Variants in SESTD1 observed in about 807,000 individuals in gnomAD.
The protein encoded by SESTD1 is SEC14 and spectrin domain containing 1.
A neutral mutation model predicts 101.7 loss-of-function variants in SESTD1; 43 were observed. That is an observed-to-expected ratio of 0.42 (90% CI 0.33 to 0.55). The LOEUF is 0.55. Ranked by LOEUF, SESTD1 falls within the 20% of genes least tolerant of loss-of-function variation. SESTD1 has a pLI of 0.07. For synonymous variants in SESTD1, 283 were observed against 286.8 expected (o/e 0.99, Z 0.13); for missense variants, 647 against 815.1 (o/e 0.79, Z 2.51).
chr2:179,193,102 G>A (rs1291893542), intron 1 of SESTD1, among the ~76,000 whole-genome samples: 2 of 151,776 alleles, frequency 1.3e-5, no homozygotes, highest in Non-Finnish European at 1.5e-5. Context: ...TGCTCTAGGG[G>A]GTGGGAAAAA....
rs949595676 is a variant in SESTD1, at chr2:179,107,169, AC to A, written c.*2729del. ...AACACACTGCAGTCACTTTTTTCACACGTTTACCTTAAGTGAGCTTTGACCC... is the reference window on the plus strand; with the variant it reads ...AACACACTGCAGTCACTTTTTTCACAGTTTACCTTAAGTGAGCTTTGACCC... On this transcript the variant is annotated 3_prime_UTR_variant, in exon 18 of 18. Transcript: ENST00000428443. The A allele has an allele frequency of 2.6e-5, 4 of 152,102 alleles. No homozygotes were observed. The highest frequency in any genetic ancestry group is 5.9e-5 in the Non-Finnish European group (4 of 67,992). 9.4% of individuals were successfully genotyped at this position (152,102 alleles called of 1,614,324 possible).
At chr2:179,185,747 A>G (rs2046214882) in intron 2 of SESTD1, among the ~76,000 whole-genome samples, 1 of 126,668 alleles carries the variant, frequency 7.9e-6, no homozygotes, top group Non-Finnish European at 1.6e-5. Flanking sequence ...ATAATATAGT[A>G]TATTATATAC....
intron 5 of SESTD1, among the ~76,000 whole-genome samples, chr2:179,160,624 A>C (rs1321570909): frequency 1.3e-5 from 2 of 152,112 alleles, no homozygotes; most frequent in Admixed American, 6.5e-5. Flanking sequence ...TTTAAAAATC[A>C]AACAATCCAT....
intron 1 of SESTD1, among the ~76,000 whole-genome samples, chr2:179,250,290 C>T (rs546123628): frequency 6.6e-6 from 1 of 152,268 alleles, no homozygotes; most frequent in South Asian, 2.1e-4. Flanking sequence ...ACATCATCAG[C>T]CACCAGGAAA....
At chr2:179,124,027 A>G (rs1157541322) in intron 11 of SESTD1, among the ~76,000 whole-genome samples, 198 bp from the exon 12 acceptor site, 1 of 152,228 alleles carries the variant, frequency 6.6e-6, no homozygotes, top group African/African-American at 2.4e-5. Flanking sequence ...AGGAAGACAA[A>G]GAAGTACATT....
intron 9 of SESTD1, 90 bp downstream of exon 9, chr2:179,143,502 A>G: frequency 9.1e-7 from 1 of 1,103,950 alleles, no homozygotes; most frequent in Non-Finnish European, 1.3e-6. Context: ...AAGGTTTTCT[A>G]TATAGTGTAT....
intron 9 of SESTD1, among the ~76,000 whole-genome samples, chr2:179,136,552 T>C (rs920927949): frequency 6.6e-6 from 1 of 152,200 alleles, no homozygotes; most frequent in African/African-American, 2.4e-5. Context: ...CAAATACAGA[T>C]ATAGAAACAT....
At chr2:179,196,282 C>T (rs952840573) in intron 1 of SESTD1, among the ~76,000 whole-genome samples, 4 of 152,220 alleles carry the variant, frequency 2.6e-5, no homozygotes, top group Non-Finnish European at 4.4e-5. Context: ...GAGATTACAT[C>T]CCGCACCTGG....
At chr2:179,220,565 T>C (rs1273741024) in intron 1 of SESTD1, among the ~76,000 whole-genome samples, 1 of 152,182 alleles carries the variant, frequency 6.6e-6, no homozygotes, top group Non-Finnish European at 1.5e-5. Context: ...CATCTAAGCC[T>C]TGTGTTGAGC....
At chr2:179,187,135 A>G (rs1276459222) in intron 2 of SESTD1, among the ~76,000 whole-genome samples, 2 of 152,190 alleles carry the variant, frequency 1.3e-5, no homozygotes, top group Non-Finnish European at 2.9e-5. Context: ...TATGGTAACA[A>G]AAGAACACCT....
chr2:179,211,235 CA>C (rs2046647195), intron 1 of SESTD1, among the ~76,000 whole-genome samples: 1 of 133,552 alleles, frequency 7.5e-6, no homozygotes, highest in Non-Finnish European at 1.6e-5. Context: ...ATCATACTGC[CA>C]AAAGCAATCT....
intron 5 of SESTD1, among the ~76,000 whole-genome samples, chr2:179,157,488 CA>C (rs1354349414): frequency 1.3e-5 from 2 of 152,140 alleles, no homozygotes; most frequent in Admixed American, 1.3e-4. Flanking sequence ...GCCATAATAA[CA>C]GTGTCATTGT....
chr2:179,102,946 T>C lies in SESTD1; in HGVS notation c.*6953A>G, dbSNP rs569400015. 6.6e-5 allele frequency: 10 copies of C among 152,242 alleles called. No individual in the cohort carries two copies. The highest frequency in any genetic ancestry group is 1.2e-4 in the Non-Finnish European group (8 of 67,998). 9.4% of individuals were successfully genotyped at this position (152,242 alleles called of 1,614,324 possible). ...GGACTTCCCTGTCCAGGTGACTCTC[T>C]CTCACATAGCTGTACCTGGGGCTTA... On this transcript the variant is annotated 3_prime_UTR_variant, in exon 18 of 18. Coordinates refer to ENST00000428443, the MANE Select transcript of SESTD1 (RefSeq NM_178123.5).
chr2:179,110,305 A>G (rs1449794383), intron 17 of SESTD1, among the ~76,000 whole-genome samples: 3 of 152,214 alleles, frequency 2.0e-5, no homozygotes, highest in Non-Finnish European at 2.9e-5. Context: ...AAATTGAACA[A>G]TGAAACACTG....
At chr2:179,111,111 G>T (rs1437120801) in intron 17 of SESTD1, among the ~76,000 whole-genome samples, 2 of 152,144 alleles carry the variant, frequency 1.3e-5, no homozygotes, top group African/African-American at 4.8e-5. Context: ...GGAGGGTAAG[G>T]GATCCTGGAA....
At position 179,107,851 on chromosome 2, in the gene SESTD1, GAAAT is replaced by G. The variant is rs931963280; in HGVS notation, c.*2044_*2047del. On this transcript the variant is annotated 3_prime_UTR_variant, in exon 18 of 18. Transcript: ENST00000428443. ...ATGTGATAGCACCATCATGAAGACTGAAATAAATAATCACAAAAGTTCATACTCA... is the reference window on the plus strand; with the variant it reads ...ATGTGATAGCACCATCATGAAGACTGAAATAATCACAAAAGTTCATACTCA... 3 of 152,072 alleles carry G rather than the reference GAAAT, an allele frequency of 2.0e-5. No homozygotes were observed. The highest frequency in any genetic ancestry group is 7.3e-5 in the African/African-American group (3 of 41,372). The allele number at this position is 152,072 out of a possible 1,614,324, so 9.4% of individuals were successfully genotyped here.
intron 5 of SESTD1, among the ~76,000 whole-genome samples, chr2:179,156,155 T>C (rs2045627013): frequency 6.6e-6 from 1 of 151,882 alleles, no homozygotes; most frequent in East Asian, 1.9e-4. Context: ...TATATATGTG[T>C]ATATATGTAT....
At chr2:179,170,462 G>A (rs535758723) in intron 5 of SESTD1, among the ~76,000 whole-genome samples, 1 of 152,252 alleles carries the variant, frequency 6.6e-6, no homozygotes, top group South Asian at 2.1e-4. Flanking sequence ...TAAGAAATAT[G>A]CATTTGCTCT....
chr2:179,174,290 A>T, intron 4 of SESTD1: 1 of 376,118 alleles, frequency 2.7e-6, no homozygotes. Flanking sequence ...GACTAGAAGT[A>T]AAAAGGCCAT....
Sources: allele counts gnomAD v4.1 joint callset (sites outside exome capture counted in the v4.1 genomes callset), GRCh38; gene constraint gnomAD v4.1.1; transcripts MANE v1.5; gene names NCBI Gene and HGNC (gene_info 2026-07-23, HGNC 2026-07-21).